PICALM: variants seen among roughly 807,000 people sequenced by gnomAD.
PICALM encodes the protein phosphatidylinositol-binding clathrin assembly protein.
Under a neutral mutation model 80.5 loss-of-function variants are expected in PICALM, and 40 were observed. The observed-to-expected ratio is 0.50, with a 90% CI of 0.39 to 0.65. The LOEUF (loss-of-function observed/expected upper bound fraction) is 0.65. Among genes scored for constraint, PICALM ranks in the 30% least tolerant of loss-of-function variants. PICALM has a pLI of 0.00. For synonymous variants in PICALM, 288 were observed against 260.3 expected (o/e 1.11, Z -1.02); for missense variants, 676 against 778.9 (o/e 0.87, Z 1.57).
chr11:86,068,578 AAGAG>A (rs1185867105), intron 1 of PICALM, 69 bp downstream of exon 1: 63 of 1,428,688 alleles, frequency 4.4e-5, no homozygotes, highest in Admixed American at 1.9e-4. Context: ...GGTGAAAGAC[AAGAG>A]AGAGAGAGAA....
At chr11:86,046,848 G>A (rs540836213) in intron 1 of PICALM, among the ~76,000 whole-genome samples, 2 of 152,268 alleles carry the variant, frequency 1.3e-5, no homozygotes, top group African/African-American at 4.8e-5. Context: ...ATGTTGCCCA[G>A]GCTGGTCTCA....
chr11:85,978,437 A>G (rs2094345669), intron 17 of PICALM: 1 of 160,862 alleles, frequency 6.2e-6, no homozygotes, highest in Non-Finnish European at 1.4e-5. Flanking sequence ...AAAAAAAGCA[A>G]GCACTAATTA....
At chr11:86,024,923 T>C (rs76754245) in intron 3 of PICALM, among the ~76,000 whole-genome samples, 11 of 152,300 alleles carry the variant, frequency 7.2e-5, no homozygotes, top group Non-Finnish European at 1.6e-4. Flanking sequence ...TCTAAAGACA[T>C]TTCCCTGATT....
At chr11:85,995,919 A>C (rs1158872668) in intron 12 of PICALM, among the ~76,000 whole-genome samples, 4 of 152,204 alleles carry the variant, frequency 2.6e-5, no homozygotes, top group African/African-American at 9.6e-5. Flanking sequence ...GCTAAATTAA[A>C]CTAGCCTTCA....
intron 1 of PICALM, among the ~76,000 whole-genome samples, chr11:86,065,175 G>C (rs946353648): frequency 1.3e-5 from 2 of 152,140 alleles, no homozygotes; most frequent in Non-Finnish European, 2.9e-5. Flanking sequence ...GCCAGGCACA[G>C]TGGCTCACAC....
intron 19 of PICALM, among the ~76,000 whole-genome samples, chr11:85,959,262 A>C (rs2093606357): frequency 6.6e-6 from 1 of 152,108 alleles, no homozygotes; most frequent in Non-Finnish European, 1.5e-5. Flanking sequence ...GGGACTTCCA[A>C]ATAATGTTTT....
At chr11:86,026,960 A>G (rs2095658137) in intron 2 of PICALM, among the ~76,000 whole-genome samples, 1 of 152,218 alleles carries the variant, frequency 6.6e-6, no homozygotes, top group Non-Finnish European at 1.5e-5. Context: ...TTTACTAGAC[A>G]TACAAGTATC....
intron 19 of PICALM, among the ~76,000 whole-genome samples, chr11:85,965,350 G>C (rs947584263): frequency 3.3e-5 from 5 of 152,084 alleles, no homozygotes; most frequent in African/African-American, 9.7e-5. Flanking sequence ...TGTTACATCA[G>C]CACAAACAGA....
chr11:86,045,343 T>C (rs1421212481), intron 1 of PICALM, among the ~76,000 whole-genome samples: 1 of 151,832 alleles, frequency 6.6e-6, no homozygotes, highest in Non-Finnish European at 1.5e-5. Context: ...CACCTGTTCT[T>C]ATAAGATTCC....
chr11:86,008,147 T>C (rs1414902351), intron 7 of PICALM, among the ~76,000 whole-genome samples: 1 of 152,152 alleles, frequency 6.6e-6, no homozygotes. Flanking sequence ...AATTCCAATA[T>C]ACCTTCATGA....
At chr11:86,061,350 A>G (rs1412896481) in intron 1 of PICALM, among the ~76,000 whole-genome samples, 3 of 149,552 alleles carry the variant, frequency 2.0e-5, no homozygotes, top group South Asian at 2.1e-4. Context: ...AAAAAAAAAA[A>G]AAAAAGAAAA....
chr11:86,054,079 T>G, intron 1 of PICALM, among the ~76,000 whole-genome samples: 1 of 152,162 alleles, frequency 6.6e-6, no homozygotes, highest in East Asian at 1.9e-4. Context: ...TGGAACTCAA[T>G]AAAAGCTCAA....
chr11:86,051,953 T>C (rs1214968120), intron 1 of PICALM, among the ~76,000 whole-genome samples: 1 of 152,230 alleles, frequency 6.6e-6, no homozygotes, highest in Non-Finnish European at 1.5e-5. Context: ...GTATAAACAT[T>C]GTGTTAACAA....
chr11:86,026,109 A>G (rs1052791480), intron 3 of PICALM, among the ~76,000 whole-genome samples, 183 bp downstream of exon 3: 3 of 152,168 alleles, frequency 2.0e-5, no homozygotes, highest in African/African-American at 2.4e-5. Context: ...GAGAGCTCTG[A>G]GTATCTGGTA....
At chr11:85,968,098 C>T (rs576661513) in intron 19 of PICALM, among the ~76,000 whole-genome samples, 1 of 152,250 alleles carries the variant, frequency 6.6e-6, no homozygotes, top group South Asian at 2.1e-4. Flanking sequence ...CTTTTGGAAG[C>T]CAAGGTGGGA....
Position 86,003,365 on chromosome 11 carries a change from C to T in PICALM, c.893+1G>A, listed in dbSNP as rs771126416. The stretch of plus-strand genomic sequence containing the variant: ...TTTTTGGCCTACAAAGAATGATATA[C>T]CTGCTTGCAGCTGTAGAATCTTTGA... On this transcript the variant is annotated splice_donor_variant, in intron 9 of 19. Transcript: ENST00000393346. LOFTEE classifies it high-confidence loss of function. 1 of 1,574,804 alleles carries T rather than the reference C, an allele frequency of 6.3e-7. No homozygotes were observed. The highest frequency in any genetic ancestry group is 8.7e-7 in the Non-Finnish European group (1 of 1,150,024).
At chr11:86,035,579 C>T (rs565088397) in intron 1 of PICALM, among the ~76,000 whole-genome samples, 27 of 152,214 alleles carry the variant, frequency 1.8e-4, no homozygotes, top group African/African-American at 6.0e-4. Flanking sequence ...TCATTTTGAA[C>T]GAGAACTTCT....
chr11:86,038,626 C>A (rs892700263), intron 1 of PICALM, among the ~76,000 whole-genome samples: 1 of 151,732 alleles, frequency 6.6e-6, no homozygotes, highest in Admixed American at 6.6e-5. Flanking sequence ...ACTAAAAATA[C>A]AAAAATTAGC....
chr11:85,967,052 A>G (rs1355575925), intron 19 of PICALM, among the ~76,000 whole-genome samples: 1 of 152,240 alleles, frequency 6.6e-6, no homozygotes, highest in Non-Finnish European at 1.5e-5. Context: ...CTAGGAAACT[A>G]TAATATAAAC....
Sources: allele counts gnomAD v4.1 joint callset (sites outside exome capture counted in the v4.1 genomes callset), GRCh38; gene constraint gnomAD v4.1.1; transcripts MANE v1.5; gene names NCBI Gene and HGNC (gene_info 2026-07-23, HGNC 2026-07-21).